Variants in KCNQ3 observed in about 807,000 individuals in gnomAD.
KCNQ3 encodes the protein potassium voltage-gated channel subfamily Q member 3, also known as potassium voltage-gated channel subfamily KQT member 3.
In KCNQ3, 30 loss-of-function variants were observed where a neutral mutation model predicts 92.5. The ratio of observed to expected loss-of-function variants is 0.32; its 90% CI spans 0.24 to 0.44. The LOEUF (loss-of-function observed/expected upper bound fraction) is 0.44. Ranked by LOEUF, KCNQ3 falls within the 20% of genes least tolerant of loss-of-function variation. The pLI, the probability that KCNQ3 is intolerant of heterozygous loss-of-function variation, is 1.00. For missense variants in KCNQ3, 913 were observed against 1,140.3 expected, an observed-to-expected ratio of 0.80 and a Z score of 2.87; for synonymous variants, 450 against 468.8, an observed-to-expected ratio of 0.96 and a Z score of 0.52.
chr8:132,443,846 A>T (rs1256317525), intron 1 of KCNQ3, among the ~76,000 whole-genome samples: 2 of 152,044 alleles, frequency 1.3e-5, no homozygotes, highest in Admixed American at 6.5e-5. Flanking sequence ...CAGCCCTCTG[A>T]CACTCTTTAC....
chr8:132,186,035 C>G, intron 2 of KCNQ3, 56 bp downstream of exon 2: 4 of 1,383,634 alleles, frequency 2.9e-6, no homozygotes, highest in Non-Finnish European at 4.1e-6. Context: ...GGGCAACCTC[C>G]TTTTCATCAC....
Position 132,129,678 on chromosome 8 carries a change from G to T in KCNQ3, c.2203C>A (p.Pro735Thr). ...PSSGKVQATP[P>T]SSATTYVERP... is the part of the protein sequence containing the mutation. ...TCCACATACGTTGTTGCTGAGGAAGGAGGAGTTGCCTGAACCTTTCCAGAA... is the reference window on the plus strand; with the variant it reads ...TCCACATACGTTGTTGCTGAGGAAGTAGGAGTTGCCTGAACCTTTCCAGAA... The change falls in exon 15 of 15, where the codon CCT (proline) becomes ACT (threonine). Residue 735 changes from proline (P) to threonine (T), a missense_variant. By Grantham distance (38) the Pro-to-Thr change is conservative. Around this residue, in one of 6 missense-constraint regions of KCNQ3, gnomAD observed 375 missense variants for 376.4 expected, o/e 1.00. Transcript: ENST00000388996. This position sits in a 1 kb window ranked among gnomAD's most constrained non-coding sequence, Gnocchi z 5.9. 1.2e-6 allele frequency: 2 copies of T among 1,614,198 alleles called. No individual in the cohort carries two copies. Among genetic ancestry groups the T allele is most frequent in the Non-Finnish European group, 1.7e-6 (2 of 1,180,034 alleles).
At chr8:132,232,771 A>G (rs1200516673) in intron 1 of KCNQ3, among the ~76,000 whole-genome samples, 1 of 151,968 alleles carries the variant, frequency 6.6e-6, no homozygotes, top group African/African-American at 2.4e-5. Flanking sequence ...AGCCCCAAAT[A>G]CTCACGCCCC....
intron 1 of KCNQ3, among the ~76,000 whole-genome samples, chr8:132,372,001 C>T (rs1009523059): frequency 6.6e-6 from 1 of 152,134 alleles, no homozygotes; most frequent in African/African-American, 2.4e-5. Context: ...CTCGGTCAAG[C>T]CTTGCAGTAA....
chr8:132,433,077 G>C (rs1225308243), intron 1 of KCNQ3, among the ~76,000 whole-genome samples: 1 of 152,170 alleles, frequency 6.6e-6, no homozygotes, highest in Non-Finnish European at 1.5e-5. Context: ...AGAAATTGGG[G>C]TCAAAGAATC....
At chr8:132,388,255 C>T (rs1819949577) in intron 1 of KCNQ3, among the ~76,000 whole-genome samples, 1 of 152,046 alleles carries the variant, frequency 6.6e-6, no homozygotes, top group African/African-American at 2.4e-5. Context: ...TTTAAATGGA[C>T]TTAAATTTGT....
Position 132,465,224 on chromosome 8 carries a change from A to C in KCNQ3, c.386+14923T>G, listed in dbSNP as rs1162084748. Among the ~76,000 whole-genome samples the C allele has an allele frequency of 4.6e-5, 7 of 152,226 alleles. No individual in the cohort carries two copies. In the South Asian group the frequency reaches 1.2e-3, roughly 27 times the overall value. On this transcript the variant is annotated intron_variant, in intron 1 of 14. Coordinates refer to ENST00000388996, the MANE Select transcript of KCNQ3 (RefSeq NM_004519.4). Reference sequence around the variant, plus strand: ...TTTGTAAGAGCAACTGGAATATCTAATTTAATCTTGTTTTGAAAATGCTAA... The same window carrying C: ...TTTGTAAGAGCAACTGGAATATCTACTTTAATCTTGTTTTGAAAATGCTAA...
chr8:132,325,471 A>T (rs1408747553), intron 1 of KCNQ3, among the ~76,000 whole-genome samples: 5 of 152,192 alleles, frequency 3.3e-5, no homozygotes, highest in Non-Finnish European at 7.3e-5. Flanking sequence ...TCAGAATGTG[A>T]CTGTATCTGG....
chr8:132,428,915 G>A (rs954053676), intron 1 of KCNQ3, among the ~76,000 whole-genome samples: 2 of 152,078 alleles, frequency 1.3e-5, no homozygotes, highest in African/African-American at 2.4e-5. Context: ...AGAACATCAC[G>A]TATAATAAAG....
chr8:132,254,811 A>G (rs1350543377), intron 1 of KCNQ3, among the ~76,000 whole-genome samples: 1 of 152,184 alleles, frequency 6.6e-6, no homozygotes, highest in Non-Finnish European at 1.5e-5. Flanking sequence ...CTGGGGAGAC[A>G]GAGGTTGCAA....
At chr8:132,302,469 T>C (rs1375138912) in intron 1 of KCNQ3, among the ~76,000 whole-genome samples, 8 of 152,324 alleles carry the variant, frequency 5.3e-5, no homozygotes, top group South Asian at 4.1e-4. Flanking sequence ...CTCGCCCCTG[T>C]TGGCATTTGC....
chr8:132,457,082 C>T (rs1185326968), intron 1 of KCNQ3, among the ~76,000 whole-genome samples: 2 of 136,178 alleles, frequency 1.5e-5, no homozygotes, highest in Non-Finnish European at 3.2e-5. Context: ...AAGAAGTTTA[C>T]AGATCACAGA....
chr8:132,271,268 C>T (rs1488814936), intron 1 of KCNQ3, among the ~76,000 whole-genome samples: 2 of 152,232 alleles, frequency 1.3e-5, no homozygotes, highest in Admixed American at 6.5e-5. Flanking sequence ...TTGTCACTTA[C>T]ATTATCTAAC....
chr8:132,315,309 A>T (rs986760575), intron 1 of KCNQ3, among the ~76,000 whole-genome samples: 8 of 152,112 alleles, frequency 5.3e-5, no homozygotes, highest in Admixed American at 2.6e-4. Flanking sequence ...GTGAGAAAAA[A>T]GGTGAGGGTG....
At chr8:132,472,051 C>A (rs1822309037) in intron 1 of KCNQ3, among the ~76,000 whole-genome samples, 1 of 151,876 alleles carries the variant, frequency 6.6e-6, no homozygotes, top group Non-Finnish European at 1.5e-5. Context: ...AAATCAAAAC[C>A]ACAATGAGAT....
chr8:132,153,099 C>A (rs1369904464), intron 9 of KCNQ3, among the ~76,000 whole-genome samples: 1 of 152,190 alleles, frequency 6.6e-6, no homozygotes, highest in Non-Finnish European at 1.5e-5. Flanking sequence ...TAGACTAACC[C>A]TGATTGTTCC....
chr8:132,409,615 C>G (rs79061711), intron 1 of KCNQ3, among the ~76,000 whole-genome samples: 2,514 of 152,286 alleles, frequency 0.017, 71 homozygotes, highest in African/African-American at 0.057. Flanking sequence ...CATCATCTAC[C>G]TTCACAACCT....
chr8:132,240,894 T>TC (rs1270594390), intron 1 of KCNQ3, among the ~76,000 whole-genome samples: 1 of 151,736 alleles, frequency 6.6e-6, no homozygotes, highest in Non-Finnish European at 1.5e-5. Flanking sequence ...CTACAATTTT[T>TC]TTTTTTCTTT....
intron 1 of KCNQ3, among the ~76,000 whole-genome samples, chr8:132,283,149 G>C (rs1173033810): frequency 6.6e-6 from 1 of 151,152 alleles, no homozygotes; most frequent in African/African-American, 2.4e-5. Flanking sequence ...AGAAATTCTT[G>C]TTGAGTATCT....
Sources: gnomAD v4.1 joint callset for allele counts (sites outside exome capture counted in the v4.1 genomes callset) on GRCh38, gnomAD v4.1.1 for gene constraint, gnomAD v4.1.1 regional missense constraint, Gnocchi (gnomAD v3.1) non-coding constraint, MANE v1.5 for transcripts, NCBI Gene and HGNC (gene_info 2026-07-23, HGNC 2026-07-21) for gene names.